The following CMIP variants were observed in gnomAD, a reference collection of about 807,000 sequenced individuals.
CMIP encodes C-Maf-inducing protein.
CMIP carries 13 observed loss-of-function variants against 97.3 expected under a neutral mutation model. That is an observed-to-expected ratio of 0.13 (90% CI 0.09 to 0.21). CMIP has a LOEUF of 0.21. Ranked by LOEUF, CMIP falls within the 10% of genes least tolerant of loss-of-function variation. CMIP has a pLI of 1.00. For missense variants in CMIP, 847 were observed against 1,024.9 expected (o/e 0.83, Z 2.37); for synonymous variants, 538 against 436.3 (o/e 1.23, Z -2.91).
At chr16:81,501,069 G>T (rs2089601301) in intron 1 of CMIP, among the ~76,000 whole-genome samples, 1 of 152,198 alleles carries the variant, frequency 6.6e-6, no homozygotes, top group Non-Finnish European at 1.5e-5. Flanking sequence ...CCACTTCCAG[G>T]AGCTGCTCAA....
chr16:81,664,407 G>A (rs767583235), intron 7 of CMIP, 58 bp downstream of exon 7: 35 of 1,492,996 alleles, frequency 2.3e-5, no homozygotes, highest in Middle Eastern at 2.1e-4. Flanking sequence ...GGCCCCGCGC[G>A]CCTCCCTGGC....
chr16:81,667,955 G>C (rs1319343028), intron 7 of CMIP, among the ~76,000 whole-genome samples: 4 of 151,950 alleles, frequency 2.6e-5, no homozygotes, highest in African/African-American at 4.8e-5. Context: ...CCCCTGCACT[G>C]TCTCTCACAA....
chr16:81,692,290 C>T (rs978125533), intron 11 of CMIP, among the ~76,000 whole-genome samples: 5 of 152,220 alleles, frequency 3.3e-5, no homozygotes, highest in South Asian at 2.1e-4. Context: ...GCTCTAATTA[C>T]GCCCGGTACA....
At chr16:81,684,034 T>C (rs981325115) in intron 10 of CMIP, among the ~76,000 whole-genome samples, 1 of 152,224 alleles carries the variant, frequency 6.6e-6, no homozygotes, top group African/African-American at 2.4e-5. Flanking sequence ...GTGCTAGGAT[T>C]ACAGGCGTGA....
chr16:81,450,646 AGTGCATTG>A (rs1906149566), intron 1 of CMIP, among the ~76,000 whole-genome samples: 1 of 152,218 alleles, frequency 6.6e-6, no homozygotes, highest in African/African-American at 2.4e-5. Context: ...TGAGATGAAT[AGTGCATTG>A]GGGAAAGCTA....
At chr16:81,576,058 C>T (rs2091183231) in intron 1 of CMIP, among the ~76,000 whole-genome samples, 1 of 152,250 alleles carries the variant, frequency 6.6e-6, no homozygotes, top group African/African-American at 2.4e-5. Context: ...CATTTATCAC[C>T]AGATCTGAGA....
At position 81,578,538 on chromosome 16, in the gene CMIP, C is replaced by T. The variant is rs573132923; in HGVS notation, c.301-29029C>T. On this transcript the variant is annotated intron_variant, in intron 1 of 20. Transcript: ENST00000537098. ...CTTCCTTCTCCAAAAACGATCTCAT[C>T]TCGGAGCTCACATTGGAGAGAGCTG... 9.8e-5 allele frequency among the ~76,000 whole-genome samples: 15 copies of T among 152,344 alleles called. No individual in the cohort carries two copies. In the South Asian group the frequency reaches 2.9e-3, roughly 29 times the overall value.
rs376370488 is a variant in CMIP, at chr16:81,640,770, G to GTGTC, written c.478-11432_478-11431insGTCT. Among the ~76,000 whole-genome samples, 432 of 135,690 alleles carry GTGTC rather than the reference G, an allele frequency of 3.2e-3. 1 individual carries two copies. The highest frequency in any genetic ancestry group is 0.011 in the African/African-American group (393 of 35,858). 89.0% of individuals were successfully genotyped at this position (135,690 alleles called of 152,430 possible). A position where few individuals can be genotyped will look rare whatever the true frequency, so the allele number is the denominator to read the frequency against. ...TGTGTGTGTGTGTGTGTGTGTGTGT[G>GTGTC]TCTCTCTCTCTCTCCACATGGCCTT... On this transcript the variant is annotated intron_variant, in intron 3 of 20. Transcript: ENST00000537098.
intron 13 of CMIP, among the ~76,000 whole-genome samples, chr16:81,694,130 T>G (rs1567667877): frequency 6.6e-6 from 1 of 152,206 alleles, no homozygotes. Context: ...ACAGCATCCC[T>G]GTGAGTGTCT....
intron 6 of CMIP, 94 bp downstream of exon 6, chr16:81,661,040 C>T: frequency 2.0e-6 from 3 of 1,487,830 alleles, no homozygotes; most frequent in Non-Finnish European, 2.8e-6. Flanking sequence ...GGCCAAAAAC[C>T]TGGGCCCCAC....
intron 5 of CMIP, among the ~76,000 whole-genome samples, chr16:81,660,562 A>G (rs34636476): frequency 0.15 from 22,411 of 152,194 alleles, 1,688 homozygotes; most frequent in Non-Finnish European, 0.16. Flanking sequence ...GGCATGAGCC[A>G]CTGCGCCCAG....
chr16:81,649,344 G>C (rs537967041), intron 3 of CMIP, among the ~76,000 whole-genome samples: 2 of 152,250 alleles, frequency 1.3e-5, no homozygotes, highest in Admixed American at 1.3e-4. Context: ...CTGAGGCTGG[G>C]TGTACCGACC....
At position 81,678,534 on chromosome 16, in the gene CMIP, C is replaced by T. The variant is rs768273772; in HGVS notation, c.1294C>T (p.Leu432Phe). The T allele has an allele frequency of 6.2e-7, 1 of 1,606,708 alleles. No individual in the cohort carries two copies. The highest frequency in any genetic ancestry group is 8.5e-7 in the Non-Finnish European group (1 of 1,177,612). ...NDSEPNLIDC[L>F]MVSPACSTMS... ...CAGCGAGCCCAACCTCATCGACTGCCTCATGGTCAGCCCCGCCTGCAGCAC... is the reference window on the plus strand; with the variant it reads ...CAGCGAGCCCAACCTCATCGACTGCTTCATGGTCAGCCCCGCCTGCAGCAC... Residue 432 changes from leucine (L) to phenylalanine (F), a missense_variant, in exon 10 of 21, where the codon CTC becomes TTC. Physicochemically the swap from Leu to Phe is conservative, Grantham distance 22. Coordinates refer to ENST00000537098, the MANE Select transcript of CMIP (RefSeq NM_198390.3).
At chr16:81,693,335 C>T (rs183068907) in intron 12 of CMIP, 104 bp from the exon 13 acceptor site, 1 of 1,497,608 alleles carries the variant, frequency 6.7e-7, no homozygotes, top group Non-Finnish European at 9.1e-7. Context: ...CCGCCTTGCC[C>T]AGCTCCCTGG....
intron 1 of CMIP, among the ~76,000 whole-genome samples, chr16:81,449,878 G>C (rs1211886654): frequency 6.6e-6 from 1 of 152,214 alleles, no homozygotes; most frequent in Non-Finnish European, 1.5e-5. Context: ...AGTAAGTTTT[G>C]ATGCTCGCAT....
chr16:81,628,724 C>A (rs1423203518), intron 3 of CMIP, among the ~76,000 whole-genome samples: 2 of 152,140 alleles, frequency 1.3e-5, no homozygotes, highest in Admixed American at 1.3e-4. Context: ...CACTTGGGAG[C>A]AGTGCCCCGG....
chr16:81,495,298 G>A (rs901940091), intron 1 of CMIP: 76 of 1,429,184 alleles, frequency 5.3e-5, no homozygotes, highest in South Asian at 2.3e-4. Flanking sequence ...CCTCTGGGGC[G>A]GGGCCCTGGG....
chr16:81,454,628 C>CACTG (rs1265089765), intron 1 of CMIP, among the ~76,000 whole-genome samples: 2 of 152,200 alleles, frequency 1.3e-5, no homozygotes, highest in Admixed American at 1.3e-4. Context: ...TGTTCTGGGG[C>CACTG]ACTGTTCTTG....
At chr16:81,491,303 C>T (rs963078960) in intron 1 of CMIP, among the ~76,000 whole-genome samples, 14 of 152,304 alleles carry the variant, frequency 9.2e-5, no homozygotes, top group African/African-American at 3.4e-4. Flanking sequence ...TGAGTCCCGT[C>T]TCTGTCACCG....
Sources: allele counts gnomAD v4.1 joint callset (sites outside exome capture counted in the v4.1 genomes callset), GRCh38; gene constraint gnomAD v4.1.1; transcripts MANE v1.5; gene names NCBI Gene and HGNC (gene_info 2026-07-23, HGNC 2026-07-21).